The following CNTN4 variants were observed in gnomAD, a reference collection of about 807,000 sequenced individuals.
The protein encoded by CNTN4 is contactin 4, also known as contactin-4.
A neutral mutation model predicts 122.5 loss-of-function variants in CNTN4; 77 were observed. That is an observed-to-expected ratio of 0.63 (90% confidence interval 0.52 to 0.76). The LOEUF (loss-of-function observed/expected upper bound fraction) is 0.76. Ranked by LOEUF, CNTN4 falls within the 30% of genes least tolerant of loss-of-function variation. CNTN4 has a pLI of 0.00. For missense variants in CNTN4, 1,256 were observed against 1,259.1 expected (o/e 1.00, Z 0.04); for synonymous variants, 512 against 447.0 (o/e 1.15, Z -1.83).
intron 7 of CNTN4, among the ~76,000 whole-genome samples, chr3:2,843,587 C>T (rs2150547016): frequency 1.3e-5 from 2 of 152,300 alleles, no homozygotes; most frequent in South Asian, 4.1e-4. Context: ...TCCTTCACGG[C>T]TCAGTGCCGT....
chr3:2,850,627 T>C (rs770811825), intron 7 of CNTN4, among the ~76,000 whole-genome samples: 17 of 152,148 alleles, frequency 1.1e-4, no homozygotes, highest in Non-Finnish European at 2.2e-4. Context: ...GGTTTCCTTA[T>C]TTATCATTTA....
At chr3:2,585,235 T>G (rs1475417557) in intron 4 of CNTN4, among the ~76,000 whole-genome samples, 3 of 152,008 alleles carry the variant, frequency 2.0e-5, no homozygotes, top group Admixed American at 6.5e-5. Context: ...TTTTACACTG[T>G]TGGTGGGACT....
At chr3:2,640,323 A>G (rs979355921) in intron 4 of CNTN4, among the ~76,000 whole-genome samples, 11 of 152,192 alleles carry the variant, frequency 7.2e-5, no homozygotes, top group Admixed American at 6.6e-5. Context: ...AGCACTTTTT[A>G]TATTTTTCTT....
chr3:2,745,692 T>A lies in CNTN4; in HGVS notation c.353T>A (p.Phe118Tyr). The change falls in exon 6 of 25, where the codon TTT becomes TAT. Residue 118 changes from phenylalanine to tyrosine, a missense_variant. Coordinates refer to ENST00000418658, the MANE Select transcript of CNTN4 (RefSeq NM_175607.3). ...TIVSREAKLQ[F>Y]AYLDNFKTRT... is the part of the protein sequence containing the mutation. ...GTTAGCAGAGAAGCAAAGCTTCAGT[T>A]TGCTTGTAAGTAGCAATTATACAAT... is the stretch of plus-strand genomic sequence containing the variant. 6.2e-7 allele frequency: 1 copy of A among 1,614,080 alleles called. No individual in the cohort carries two copies. Among genetic ancestry groups the A allele is most frequent in the Non-Finnish European group, 8.5e-7 (1 of 1,179,912 alleles).
At chr3:2,312,197 A>T (rs920062355) in intron 2 of CNTN4, among the ~76,000 whole-genome samples, 1 of 152,026 alleles carries the variant, frequency 6.6e-6, no homozygotes, top group African/African-American at 2.4e-5. Context: ...GTGAGGCCAA[A>T]CATATTGCTA....
At position 2,708,887 on chromosome 3, in the gene CNTN4, T is replaced by C. The variant is rs528545521; in HGVS notation, c.56-27328T>C. ...TCTTTTTTAAAAAGGAAACTCTCCA[T>C]TCCTTTGTAAAATATTGTAATAAGA... is the stretch of plus-strand genomic sequence containing the variant. On this transcript the variant is annotated intron_variant, in intron 4 of 24. Transcript: ENST00000418658. Among the ~76,000 whole-genome samples the C allele has an allele frequency of 2.6e-5, 4 of 152,342 alleles. 1 individual carries two copies. The highest frequency in any genetic ancestry group is 9.6e-5 in the African/African-American group (4 of 41,580).
intron 12 of CNTN4, among the ~76,000 whole-genome samples, chr3:2,922,010 G>T (rs2094434138): frequency 1.3e-5 from 2 of 152,206 alleles, no homozygotes; most frequent in African/African-American, 4.8e-5. Flanking sequence ...TCACATGGAG[G>T]AGGACCCATA....
chr3:2,448,082 G>T (rs2048689500), intron 3 of CNTN4, among the ~76,000 whole-genome samples: 1 of 152,148 alleles, frequency 6.6e-6, no homozygotes, highest in Non-Finnish European at 1.5e-5. Context: ...GGAAATAATT[G>T]TGCCTGGTGG....
intron 3 of CNTN4, among the ~76,000 whole-genome samples, chr3:2,444,708 T>A (rs945595168): frequency 6.6e-6 from 1 of 152,108 alleles, no homozygotes; most frequent in South Asian, 2.1e-4. Context: ...CCATTACCAC[T>A]GCAGCCTAGT....
chr3:2,348,901 C>A (rs566782398), intron 3 of CNTN4, among the ~76,000 whole-genome samples: 144 of 152,234 alleles, frequency 9.5e-4, no homozygotes, highest in African/African-American at 3.4e-3. Context: ...CTTTCTTGGG[C>A]TCAAGCTTCC....
At chr3:3,015,905 G>A (rs1407937198) in intron 14 of CNTN4, among the ~76,000 whole-genome samples, 1 of 152,092 alleles carries the variant, frequency 6.6e-6, no homozygotes, top group Admixed American at 6.6e-5. Context: ...CCTTTAATCA[G>A]CAAAGATCTT....
At chr3:2,487,518 A>G (rs186851959) in intron 3 of CNTN4, among the ~76,000 whole-genome samples, 1 of 152,316 alleles carries the variant, frequency 6.6e-6, no homozygotes, top group East Asian at 1.9e-4. Flanking sequence ...CGTTGCCTTC[A>G]AAAAGCCCTA....
At chr3:2,140,979 T>G (rs2034966337) in intron 2 of CNTN4, among the ~76,000 whole-genome samples, 1 of 152,234 alleles carries the variant, frequency 6.6e-6, no homozygotes, top group Non-Finnish European at 1.5e-5. Context: ...CTGACCACAC[T>G]CAGCATACAG....
intron 7 of CNTN4, among the ~76,000 whole-genome samples, chr3:2,840,665 C>G (rs1477426679): frequency 3.4e-5 from 5 of 148,788 alleles, no homozygotes; most frequent in Admixed American, 6.8e-5. Context: ...CACCACTGCA[C>G]TCCAGCCTGG....
intron 16 of CNTN4, among the ~76,000 whole-genome samples, chr3:3,031,268 T>C (rs888530651): frequency 5.9e-5 from 9 of 152,134 alleles, no homozygotes; most frequent in African/African-American, 2.2e-4. Context: ...CTAGAACAAA[T>C]TTAGGTGAAC....
intron 14 of CNTN4, among the ~76,000 whole-genome samples, chr3:3,004,041 T>A (rs960053777): frequency 6.6e-6 from 1 of 152,138 alleles, no homozygotes; most frequent in African/African-American, 2.4e-5. Context: ...ATTACAGGTG[T>A]GAGCCACCAT....
In CNTN4 at chr3:2,323,591, C is replaced by T. The variant is rs1008838501; in HGVS notation, c.-144-15587C>T. ...TCAAGTTGGGATGTGCCCCCAAACACGTAACATGTTTTGAAACTAAACAAA... is the reference window on the plus strand; with the variant it reads ...TCAAGTTGGGATGTGCCCCCAAACATGTAACATGTTTTGAAACTAAACAAA... On this transcript the variant is annotated intron_variant, in intron 2 of 24. Coordinates refer to ENST00000418658, the MANE Select transcript of CNTN4 (RefSeq NM_175607.3). 5.3e-5 allele frequency among the ~76,000 whole-genome samples: 8 copies of T among 152,102 alleles called. No homozygotes were observed. The East Asian group carries it at 7.7e-4, about 15-fold the overall frequency.
intron 2 of CNTN4, among the ~76,000 whole-genome samples, chr3:2,234,203 A>C (rs2149563807): frequency 6.6e-6 from 1 of 151,950 alleles, no homozygotes; most frequent in South Asian, 2.1e-4. Flanking sequence ...ATATGGTGAA[A>C]CCCCGTCTCT....
At chr3:2,634,365 A>T (rs1260593341) in intron 4 of CNTN4, among the ~76,000 whole-genome samples, 1 of 152,216 alleles carries the variant, frequency 6.6e-6, no homozygotes, top group Non-Finnish European at 1.5e-5. Flanking sequence ...TATTTGTTTA[A>T]TATAGCAAAT....
Sources: allele counts gnomAD v4.1 joint callset (sites outside exome capture counted in the v4.1 genomes callset), GRCh38; gene constraint gnomAD v4.1.1; transcripts MANE v1.5; gene names NCBI Gene and HGNC (gene_info 2026-07-23, HGNC 2026-07-21).